Variants in ASIC2 observed in about 807,000 individuals in gnomAD.
The protein encoded by ASIC2 is acid-sensing ion channel 2.
A neutral mutation model predicts 57.3 loss-of-function variants in ASIC2; 25 were observed. The ratio of observed to expected loss-of-function variants is 0.44; its 90% CI spans 0.32 to 0.61. The LOEUF (loss-of-function observed/expected upper bound fraction) is 0.61. Ranked by LOEUF, ASIC2 falls within the 20% of genes least tolerant of loss-of-function variation. ASIC2 has a pLI of 0.06. For synonymous variants in ASIC2, 319 were observed against 307.5 expected, an observed-to-expected ratio of 1.04 and a Z score of -0.39; for missense variants, 641 against 738.1, an observed-to-expected ratio of 0.87 and a Z score of 1.52.
intron 1 of ASIC2, among the ~76,000 whole-genome samples, chr17:34,062,009 A>G (rs1908987484): frequency 1.3e-5 from 2 of 152,174 alleles, no homozygotes; most frequent in Non-Finnish European, 2.9e-5. Context: ...TTTAAACTAT[A>G]CCTTGGAACA....
intron 1 of ASIC2, among the ~76,000 whole-genome samples, chr17:33,169,347 T>C (rs1193738050): frequency 1.3e-5 from 2 of 152,180 alleles, no homozygotes; most frequent in Non-Finnish European, 2.9e-5. Flanking sequence ...TCTCCCATTG[T>C]CCATGGTGCT....
intron 1 of ASIC2, among the ~76,000 whole-genome samples, chr17:33,232,446 A>ATGGAATGGTATGGT (rs1567792727): frequency 6.6e-4 from 84 of 128,020 alleles, no homozygotes; most frequent in African/African-American, 2.6e-3. Context: ...TATGGTATGG[A>ATGGAATGGTATGGT]ATGGTATGGT....
At chr17:34,132,266 G>T (rs1441987344) in intron 1 of ASIC2, among the ~76,000 whole-genome samples, 2 of 152,152 alleles carry the variant, frequency 1.3e-5, no homozygotes, top group Non-Finnish European at 2.9e-5. Flanking sequence ...GGACCTTTGT[G>T]GTGAGTGTTA....
chr17:33,764,172 C>T (rs781304165), intron 1 of ASIC2, among the ~76,000 whole-genome samples: 8 of 152,066 alleles, frequency 5.3e-5, no homozygotes, highest in Non-Finnish European at 1.2e-4. Flanking sequence ...CAAAATTTAG[C>T]CAGGCATGGT....
At chr17:34,039,460 T>C in intron 1 of ASIC2, 1 of 1,613,662 alleles carries the variant, frequency 6.2e-7, no homozygotes, top group Non-Finnish European at 8.5e-7. Context: ...CTCCGTTGCC[T>C]CCTTTGCAGC....
rs566241056 is a variant in ASIC2, at chr17:33,935,135, C to T, written c.555+220843G>A. Among the ~76,000 whole-genome samples the T allele has an allele frequency of 1.1e-4, 16 of 152,346 alleles. 1 individual carries two copies. In the East Asian group the frequency reaches 2.9e-3, roughly 28 times the overall value. Reference sequence around the variant, plus strand: ...CTGCCCCAAACAATCATGTCACACTCGTTCCCACCTCTGTGCTCCTTTACA... The same window carrying T: ...CTGCCCCAAACAATCATGTCACACTTGTTCCCACCTCTGTGCTCCTTTACA... On this transcript the variant is annotated intron_variant, in intron 1 of 9. Transcript: ENST00000359872.
intron 1 of ASIC2, among the ~76,000 whole-genome samples, chr17:33,853,962 T>A (rs1913844876): frequency 6.6e-6 from 1 of 151,674 alleles, no homozygotes; most frequent in South Asian, 2.1e-4. Context: ...TATGATTCCA[T>A]GAGTTTATCT....
intron 1 of ASIC2, among the ~76,000 whole-genome samples, chr17:34,009,334 A>G (rs1906635151): frequency 6.6e-6 from 1 of 152,204 alleles, no homozygotes; most frequent in South Asian, 2.1e-4. Context: ...TCCAATGTGA[A>G]AGCCACCAGC....
intron 1 of ASIC2, among the ~76,000 whole-genome samples, chr17:33,607,533 T>G (rs1905260999): frequency 6.6e-6 from 1 of 152,196 alleles, no homozygotes; most frequent in Non-Finnish European, 1.5e-5. Flanking sequence ...GTTTGCTCTT[T>G]CCCTTGGGAA....
At chr17:33,155,013 G>T (rs1412809972) in intron 1 of ASIC2, among the ~76,000 whole-genome samples, 1 of 152,228 alleles carries the variant, frequency 6.6e-6, no homozygotes, top group African/African-American at 2.4e-5. Flanking sequence ...GCGCCGCGGT[G>T]CTGAGTTGTT....
chr17:33,432,394 T>C (rs1567859308), intron 1 of ASIC2, among the ~76,000 whole-genome samples: 1 of 152,168 alleles, frequency 6.6e-6, no homozygotes, highest in Non-Finnish European at 1.5e-5. Context: ...CATATACATG[T>C]AGTCCCAGCT....
chr17:33,016,637 G>T (rs936900006), intron 8 of ASIC2, among the ~76,000 whole-genome samples: 1 of 152,104 alleles, frequency 6.6e-6, no homozygotes, highest in Non-Finnish European at 1.5e-5. Context: ...GTGCTGAGAC[G>T]CATGAGATTC....
At chr17:33,988,877 G>C (rs1905912853) in intron 1 of ASIC2, among the ~76,000 whole-genome samples, 1 of 151,954 alleles carries the variant, frequency 6.6e-6, no homozygotes, top group Non-Finnish European at 1.5e-5. Flanking sequence ...CCAGAGCAGG[G>C]GCAAAAGCAG....
At chr17:33,709,050 C>T (rs1567695120) in intron 1 of ASIC2, among the ~76,000 whole-genome samples, 1 of 152,198 alleles carries the variant, frequency 6.6e-6, no homozygotes, top group Admixed American at 6.5e-5. Context: ...AGCCGTCTGC[C>T]TGTTTTTTGA....
intron 1 of ASIC2, among the ~76,000 whole-genome samples, chr17:33,981,853 T>C (rs1905637791): frequency 6.6e-6 from 1 of 152,214 alleles, no homozygotes; most frequent in Non-Finnish European, 1.5e-5. Context: ...CCCAGAGAAT[T>C]GCAACATTAT....
chr17:33,065,759 A>C (rs2092040924), intron 3 of ASIC2, among the ~76,000 whole-genome samples: 1 of 152,220 alleles, frequency 6.6e-6, no homozygotes, highest in African/African-American at 2.4e-5. Flanking sequence ...CTGAGGGAGA[A>C]AAATCAGGCT....
chr17:33,645,638 C>A (rs560398024), intron 1 of ASIC2, among the ~76,000 whole-genome samples: 3 of 152,184 alleles, frequency 2.0e-5, no homozygotes, highest in African/African-American at 7.2e-5. Flanking sequence ...GATCTTTACT[C>A]CTTACCCATA....
intron 3 of ASIC2, among the ~76,000 whole-genome samples, chr17:33,062,173 C>G (rs1312075024): frequency 2.6e-5 from 4 of 152,148 alleles, no homozygotes; most frequent in African/African-American, 9.7e-5. Flanking sequence ...CAGTTCTGCT[C>G]TGATCTTGGT....
At chr17:33,613,245 G>C (rs1905471667) in intron 1 of ASIC2, among the ~76,000 whole-genome samples, 1 of 151,994 alleles carries the variant, frequency 6.6e-6, no homozygotes, top group Non-Finnish European at 1.5e-5. Flanking sequence ...AAATAAAATA[G>C]ATATACAAAA....
Sources: gnomAD v4.1 joint callset for allele counts (sites outside exome capture counted in the v4.1 genomes callset) on GRCh38, gnomAD v4.1.1 for gene constraint, MANE v1.5 for transcripts, NCBI Gene and HGNC (gene_info 2026-07-23, HGNC 2026-07-21) for gene names.